The following SNAPC4 variants were observed in gnomAD, a reference collection of about 807,000 sequenced individuals.
SNAPC4 encodes snRNA-activating protein complex subunit 4.
Under a neutral mutation model 151.3 loss-of-function variants are expected in SNAPC4, and 127 were observed. That is an observed-to-expected ratio of 0.84 (90% confidence interval 0.73 to 0.97). The LOEUF (loss-of-function observed/expected upper bound fraction) is 0.97. Ranked by LOEUF, SNAPC4 falls within the 50% of genes least tolerant of loss-of-function variation. SNAPC4 has a pLI of 0.00. For missense variants in SNAPC4, 2,186 were observed against 1,935.0 expected (o/e 1.13, Z -2.43); for synonymous variants, 1,002 against 824.4 (o/e 1.22, Z -3.69).
intron 13 of SNAPC4, 33 bp from the exon 14 acceptor site, chr9:136,384,847 A>G: frequency 7.8e-7 from 1 of 1,280,772 alleles, no homozygotes; most frequent in Non-Finnish European, 1.1e-6. Flanking sequence ...AGAACGTTTT[A>G]GATGCCGAGA....
rs1833728458 is a variant in SNAPC4 at position 136,382,314 on chromosome 9, A to G, written c.2006T>C (p.Val669Ala). The change falls in exon 17 of 24, where the codon GTG (valine) becomes GCG (alanine). Residue 669 changes from valine (V) to alanine (A), a missense_variant. Coordinates refer to ENST00000684778, the MANE Select transcript of SNAPC4 (RefSeq NM_003086.4). Reference protein sequence around the residue: ...ALEGGRRLLTVPVETVLRVLR... With the variant: ...ALEGGRRLLTAPVETVLRVLR... ...CACCCTCAGCACGGTCTCCACAGGC[A>G]CTGTCAGCAGACGCCTCCCACCCTG... 1 of 1,613,116 alleles carries G rather than the reference A, an allele frequency of 6.2e-7. No homozygotes were observed. The highest frequency in any genetic ancestry group is 8.5e-7 in the Non-Finnish European group (1 of 1,179,950).
In SNAPC4 at chr9:136,384,043, C is replaced by A; in HGVS notation, c.1421-11G>T. On this transcript the variant is annotated splice_polypyrimidine_tract_variant and intron_variant, in intron 14 of 23. Coordinates refer to ENST00000684778, the MANE Select transcript of SNAPC4 (RefSeq NM_003086.4). Reference sequence around the variant, plus strand: ...TTTTTGCCCAGTGACCTGCAAAAGCCAAACCCCATGGAAATGCCTTCATCC... The same window carrying A: ...TTTTTGCCCAGTGACCTGCAAAAGCAAAACCCCATGGAAATGCCTTCATCC... 6.2e-7 allele frequency: 1 copy of A among 1,611,920 alleles called. No individual in the cohort carries two copies. The highest frequency in any genetic ancestry group is 8.5e-7 in the Non-Finnish European group (1 of 1,178,552).
rs939801470 is a variant in SNAPC4, at chr9:136,395,434, C to A, written c.346-11G>T. 6.2e-7 allele frequency: 1 copy of A among 1,611,166 alleles called. No individual in the cohort carries two copies. The highest frequency in any genetic ancestry group is 1.3e-5 in the African/African-American group (1 of 74,902). ...CCTCATGAGTTCCTCCTGTGACAGA[C>A]ACAAGGCAGGGACCCCTCTATGGAC... is the stretch of plus-strand genomic sequence containing the variant. On this transcript the variant is annotated splice_polypyrimidine_tract_variant and intron_variant, in intron 4 of 23. Coordinates refer to ENST00000684778, the MANE Select transcript of SNAPC4 (RefSeq NM_003086.4).
At position 136,395,420 on chromosome 9, in the gene SNAPC4, C is replaced by T. The variant is rs1463660059; in HGVS notation, c.349G>A (p.Glu117Lys). ...LLAQNREQQEELMRDLAGSKG... is the reference protein window; with the variant it reads ...LLAQNREQQEKLMRDLAGSKG... ...GACCCAGCCAGATCCCTCATGAGTT[C>T]CTCCTGTGACAGACACAAGGCAGGG... is the stretch of plus-strand genomic sequence containing the variant. Residue 117 changes from glutamate to lysine, a missense_variant, in exon 5 of 24, where the codon GAA (glutamate) becomes AAA (lysine). Transcript: ENST00000684778. The T allele has an allele frequency of 1.2e-6, 2 of 1,612,326 alleles. No individual in the cohort carries two copies. Among genetic ancestry groups the T allele is most frequent in the Non-Finnish European group, 1.7e-6 (2 of 1,179,386 alleles).
chr9:136,394,261 G>C lies in SNAPC4; in HGVS notation c.620C>G (p.Pro207Arg), dbSNP rs1193618710. 1 of 1,613,200 alleles carries C rather than the reference G, an allele frequency of 6.2e-7. No individual in the cohort carries two copies. Among genetic ancestry groups the C allele is most frequent in the Non-Finnish European group, 8.5e-7 (1 of 1,179,394 alleles). Reference protein sequence around the residue: ...VSDRLQRLLQPKLLKLEYLHQ... With the variant: ...VSDRLQRLLQRKLLKLEYLHQ... ...GTTTTAGACTTACTTCAGTAACTTG[G>C]GCTGAAGCAATCGCTGCAGGCGGTC... Residue 207 changes from proline (P) to arginine (R), a missense_variant, in exon 7 of 24, where the codon CCC becomes CGC. Pro to Arg is a moderately radical substitution (Grantham distance 103). Coordinates refer to ENST00000684778, the MANE Select transcript of SNAPC4 (RefSeq NM_003086.4).
At chr9:136,391,826 T>TA (rs757358946) in intron 10 of SNAPC4, 116 bp downstream of exon 10, 2 of 1,160,746 alleles carry the variant, frequency 1.7e-6, no homozygotes, top group Non-Finnish European at 2.4e-6. Flanking sequence ...TGGCAACACA[T>TA]AGAAACCTGG....
At chr9:136,386,262 C>A (rs1214111448) in intron 13 of SNAPC4, among the ~76,000 whole-genome samples, 1 of 151,886 alleles carries the variant, frequency 6.6e-6, no homozygotes, top group Non-Finnish European at 1.5e-5. Flanking sequence ...ATCTGTGCAT[C>A]TTCTTTGGAG....
Position 136,391,934 on chromosome 9 carries a change from G to T in SNAPC4, c.975+8C>A, listed in dbSNP as rs1007800446. On this transcript the variant is annotated splice_region_variant and intron_variant, in intron 10 of 23. Coordinates refer to ENST00000684778, the MANE Select transcript of SNAPC4 (RefSeq NM_003086.4). ...TCCTGGCCCCTGGGGTCCAGGCCAG[G>T]CCCTTACCCCCAGCTCCTCTGCAAT... is the stretch of plus-strand genomic sequence containing the variant. 3 of 1,600,226 alleles carry T rather than the reference G, an allele frequency of 1.9e-6. No homozygotes were observed. Among genetic ancestry groups the T allele is most frequent in the South Asian group, 2.2e-5 (2 of 91,004 alleles).
chr9:136,377,794 GC>G lies in SNAPC4; in HGVS notation c.4032del (p.Gln1345LysfsTer62). On this transcript the variant is annotated frameshift_variant, in exon 22 of 24. Transcript: ENST00000684778. LOFTEE classifies it high-confidence loss of function. ...CCCCGCACCAGCCCCAGTGAGGCTT[GC>G]AGTGCTCCGGCCGGCCGCTCAGCCT... ...GGEAERPAGA[L>X]QASLGLVRGQ... is the part of the protein sequence containing the mutation. The G allele has an allele frequency of 6.2e-7, 1 of 1,611,848 alleles. No homozygotes were observed. Among genetic ancestry groups the G allele is most frequent in the Non-Finnish European group, 8.5e-7 (1 of 1,179,702 alleles).
rs766083397 is a variant in SNAPC4 at position 136,377,607 on chromosome 9, C to T, written c.4220G>A (p.Ser1407Asn). ...GTCCCTGTCTGCAAGTTCCAGCTCA[C>T]TCAGGAGGTCTTCATCCTCACTCTC... Reference protein sequence around the residue: ...GSESEDEDLLSELELADRDGQ... With the variant: ...GSESEDEDLLNELELADRDGQ... The change falls in exon 22 of 24, where the codon AGT becomes AAT. Residue 1407 changes from serine to asparagine, a missense_variant. Ser to Asn is a conservative substitution (Grantham distance 46). Coordinates refer to ENST00000684778, the MANE Select transcript of SNAPC4 (RefSeq NM_003086.4). 18 of 1,554,042 alleles carry T rather than the reference C, an allele frequency of 1.2e-5. No individual in the cohort carries two copies. The highest frequency in any genetic ancestry group is 1.6e-5 in the Non-Finnish European group (18 of 1,147,712).
chr9:136,380,900 C>A, intron 19 of SNAPC4, 50 bp from the exon 20 acceptor site: 2 of 1,140,702 alleles, frequency 1.8e-6, no homozygotes, highest in Non-Finnish European at 2.7e-6. Context: ...GGGAGCAGCT[C>A]CGAAGCTCCA....
At position 136,395,785 on chromosome 9, in the gene SNAPC4, G is replaced by A; in HGVS notation, c.178-15C>T. On this transcript the variant is annotated splice_polypyrimidine_tract_variant and intron_variant, in intron 3 of 23. Transcript: ENST00000684778. Reference sequence around the variant, plus strand: ...CTTTCTTCTTCCTGGTAACGAGCCAGAAATGGCATGTGACGAGATGAGACG... The same window carrying A: ...CTTTCTTCTTCCTGGTAACGAGCCAAAAATGGCATGTGACGAGATGAGACG... 2 of 1,606,870 alleles carry A rather than the reference G, an allele frequency of 1.2e-6. No individual in the cohort carries two copies. Among genetic ancestry groups the A allele is most frequent in the Non-Finnish European group, 1.7e-6 (2 of 1,175,108 alleles).
At chr9:136,377,304 T>C (rs1833483572) in intron 22 of SNAPC4, among the ~76,000 whole-genome samples, 1 of 152,176 alleles carries the variant, frequency 6.6e-6, no homozygotes, top group Non-Finnish European at 1.5e-5. Context: ...CGGAGGCTCC[T>C]GCACGAGAAT....
chr9:136,377,000 G>A (rs1833470062), intron 22 of SNAPC4, among the ~76,000 whole-genome samples: 2 of 152,220 alleles, frequency 1.3e-5, no homozygotes, highest in South Asian at 4.1e-4. Context: ...TGGCACCAGG[G>A]GAGGAGGCCT....
chr9:136,393,094 G>A (rs528753398), intron 7 of SNAPC4, among the ~76,000 whole-genome samples: 16 of 152,316 alleles, frequency 1.1e-4, no homozygotes, highest in African/African-American at 1.7e-4. Context: ...AGACACAGCC[G>A]TAGGCAGATA....
intron 1 of SNAPC4, chr9:136,398,848 C>T (rs1438020510): frequency 1.2e-5 from 2 of 169,018 alleles, no homozygotes; most frequent in Admixed American, 1.1e-4. Flanking sequence ...CCGTGACCCA[C>T]TTTGGCCATC....
chr9:136,376,766 G>T (rs1588733169), intron 22 of SNAPC4, among the ~76,000 whole-genome samples: 1 of 152,190 alleles, frequency 6.6e-6, no homozygotes, highest in East Asian at 1.9e-4. Context: ...TACATGGATG[G>T]GGCACAGAGG....
chr9:136,379,144 C>A lies in SNAPC4; in HGVS notation c.2683G>T (p.Glu895Ter), dbSNP rs1370401613. The A allele has an allele frequency of 6.3e-7, 1 of 1,577,982 alleles. No homozygotes were observed. The highest frequency in any genetic ancestry group is 1.1e-5 in the South Asian group (1 of 87,246). ...GPRPKPKTVS[E>*]LLQEKRLQEA... is the part of the protein sequence containing the mutation. ...TGAAGCCGCTTCTCCTGAAGCAGCT[C>A]CGACACAGTCTTGGGCTTGGGCCGG... The change falls in exon 22 of 24, where the codon GAG becomes TAG. Residue 895 changes from glutamate to a stop codon, truncating the protein, a stop_gained. Transcript: ENST00000684778. LOFTEE classifies it high-confidence loss of function.
chr9:136,399,129 G>A (rs1190930543), intron 1 of SNAPC4, among the ~76,000 whole-genome samples: 1 of 152,206 alleles, frequency 6.6e-6, no homozygotes, highest in African/African-American at 2.4e-5. Flanking sequence ...GTGGGAGAAT[G>A]AAACATTAGC....
Sources: gnomAD v4.1 joint callset for allele counts (sites outside exome capture counted in the v4.1 genomes callset) on GRCh38, gnomAD v4.1.1 for gene constraint, MANE v1.5 for transcripts, NCBI Gene and HGNC (gene_info 2026-07-23, HGNC 2026-07-21) for gene names.